ABL2: variants seen among roughly 807,000 people sequenced by gnomAD.
The protein encoded by ABL2 is tyrosine-protein kinase ABL2.
ABL2 carries 49 observed loss-of-function variants against 107.7 expected under a neutral mutation model. The ratio of observed to expected loss-of-function variants is 0.45; its 90% CI spans 0.36 to 0.58. ABL2 has a LOEUF of 0.58. ABL2 is among the 20% of genes least tolerant of loss of function. ABL2 has a pLI of 0.00. For missense variants in ABL2, 1,245 were observed against 1,457.0 expected (o/e 0.85, Z 2.37); for synonymous variants, 549 against 548.6 (o/e 1.00, Z -0.01).
At chr1:179,229,186 CGACCCCACCCCCGGCCT>C in intron 1 of ABL2, 38 bp downstream of exon 1, 10 of 667,780 alleles carry the variant, frequency 1.5e-5, no homozygotes, top group East Asian at 4.4e-5. Context: ...CACCCCGCCC[CGACCCCACCCCCGGCCT>C]CCCCCACGCT....
chr1:179,188,376 T>C (rs1660796767), intron 1 of ABL2, among the ~76,000 whole-genome samples: 1 of 151,488 alleles, frequency 6.6e-6, no homozygotes, highest in South Asian at 2.1e-4. Flanking sequence ...ACCCTATCTC[T>C]ACTAACAATA....
In ABL2 at chr1:179,104,015, C is replaced by T; in HGVS notation, c.*3703G>A. 1.7e-5 allele frequency: 4 copies of T among 233,536 alleles called. No individual in the cohort carries two copies. The highest frequency in any genetic ancestry group is 2.5e-5 in the Non-Finnish European group (3 of 117,952). The allele number at this position is 233,536 out of a possible 1,614,324, so 14.5% of individuals were successfully genotyped here. A position where few individuals can be genotyped will look rare whatever the true frequency, so the allele number is the denominator to read the frequency against. ...ACCCCAGCCCACTGGGAATTCTGAT[C>T]TGGAGTGGGGCTATTCCGTCAGTTT... On this transcript the variant is annotated 3_prime_UTR_variant, in exon 12 of 12. Transcript: ENST00000502732.
At chr1:179,202,004 G>C (rs1661700226) in intron 1 of ABL2, 2 of 808,332 alleles carry the variant, frequency 2.5e-6, no homozygotes, top group Non-Finnish European at 3.2e-6. Flanking sequence ...AGAGGGAAGG[G>C]AGCCAAGGGA....
intron 1 of ABL2, among the ~76,000 whole-genome samples, chr1:179,198,575 C>A (rs1055467509): frequency 9.9e-5 from 15 of 150,970 alleles, no homozygotes; most frequent in African/African-American, 3.7e-4. Context: ...CACCTGTAAT[C>A]CCAGCTACCC....
intron 1 of ABL2, among the ~76,000 whole-genome samples, chr1:179,185,405 T>A (rs1660625113): frequency 6.6e-6 from 1 of 152,218 alleles, no homozygotes; most frequent in Non-Finnish European, 1.5e-5. Context: ...GTATCTTATG[T>A]GGAATTGACA....
At chr1:179,114,768 G>A (rs1654457213) in intron 9 of ABL2, 110 bp downstream of exon 9, 4 of 1,126,450 alleles carry the variant, frequency 3.6e-6, no homozygotes, top group Non-Finnish European at 1.2e-6. Context: ...TAAATGTCAT[G>A]AGGCTGGATT....
chr1:179,184,292 C>A, intron 1 of ABL2: 1 of 539,092 alleles, frequency 1.9e-6, no homozygotes, highest in South Asian at 2.2e-5. Context: ...AAGTTATCTT[C>A]AACGAATTTC....
chr1:179,156,838 A>C lies in ABL2; in HGVS notation c.158-23464T>G, dbSNP rs1357420787. 3.3e-5 allele frequency among the ~76,000 whole-genome samples: 5 copies of C among 152,046 alleles called. No homozygotes were observed. In the East Asian group the frequency reaches 9.6e-4, roughly 29 times the overall value. ...GGCTGCAGTGAGCTGAGATGGCGCC[A>C]CTGCATTCCCACTTGGGCAACAGAG... is the stretch of plus-strand genomic sequence containing the variant. On this transcript the variant is annotated intron_variant, in intron 1 of 11. Coordinates refer to ENST00000502732, the MANE Select transcript of ABL2 (RefSeq NM_007314.4).
At chr1:179,121,215 C>T (rs1439069399) in intron 5 of ABL2, among the ~76,000 whole-genome samples, 1 of 152,154 alleles carries the variant, frequency 6.6e-6, no homozygotes, top group African/African-American at 2.4e-5. Flanking sequence ...GGAACAAGAA[C>T]AAGGGAGAGA....
intron 1 of ABL2, among the ~76,000 whole-genome samples, chr1:179,155,155 G>A (rs9650996): frequency 0.02 from 3,118 of 152,304 alleles, 119 homozygotes; most frequent in African/African-American, 0.072. Context: ...GCAATAGAGA[G>A]TGGTACAAAA....
intron 1 of ABL2, among the ~76,000 whole-genome samples, chr1:179,219,161 G>A (rs1662740140): frequency 6.6e-6 from 1 of 152,178 alleles, no homozygotes; most frequent in Non-Finnish European, 1.5e-5. Flanking sequence ...TCTCACCTTA[G>A]CCTCCCCAGT....
At chr1:179,115,168 T>C in intron 8 of ABL2, 138 bp from the exon 9 acceptor site, 1 of 676,680 alleles carries the variant, frequency 1.5e-6, no homozygotes, top group East Asian at 3.4e-5. Context: ...TACTCTTTTA[T>C]CAATTCTTAC....
At chr1:179,208,272 C>T (rs1391711589) in intron 1 of ABL2, among the ~76,000 whole-genome samples, 3 of 152,014 alleles carry the variant, frequency 2.0e-5, no homozygotes, top group Non-Finnish European at 4.4e-5. Flanking sequence ...AAGCACGGTG[C>T]CCAACAGGTT....
chr1:179,139,377 C>T (rs940226735), intron 1 of ABL2, among the ~76,000 whole-genome samples: 1 of 152,046 alleles, frequency 6.6e-6, no homozygotes, highest in Admixed American at 6.5e-5. Context: ...CACGAACTCA[C>T]CAGAAGGAAG....
In ABL2 at chr1:179,118,602, T is replaced by G; in HGVS notation, c.1208A>C (p.Lys403Thr). 8 of 1,613,686 alleles carry G rather than the reference T, an allele frequency of 5.0e-6. No homozygotes were observed. The highest frequency in any genetic ancestry group is 5.9e-6 in the Non-Finnish European group (7 of 1,179,772). ...TTTTACACACCTATGGATGAAATTC[T>G]TCTTCTCTAAGTACTCCATTGCAGA... is the stretch of plus-strand genomic sequence containing the variant. ...ISSAMEYLEK[K>T]NFIHRDLAAR... The change falls in exon 7 of 12, where the codon AAG becomes ACG. Residue 403 changes from lysine to threonine, a missense_variant. Transcript: ENST00000502732.
intron 1 of ABL2, among the ~76,000 whole-genome samples, chr1:179,146,175 T>A (rs1033645454): frequency 6.6e-6 from 1 of 152,142 alleles, no homozygotes; most frequent in African/African-American, 2.4e-5. Flanking sequence ...AGAACCAAAT[T>A]AGAAGCAGAA....
chr1:179,183,131 G>A (rs866095792), intron 1 of ABL2, among the ~76,000 whole-genome samples: 1 of 152,000 alleles, frequency 6.6e-6, no homozygotes, highest in South Asian at 2.1e-4. Context: ...CTCCTACTCA[G>A]CCTCCCAAAT....
chr1:179,158,817 G>A (rs1658867932), intron 1 of ABL2, among the ~76,000 whole-genome samples: 1 of 152,112 alleles, frequency 6.6e-6, no homozygotes, highest in African/African-American at 2.4e-5. Context: ...TAGAGTGCAA[G>A]GTTAGTTCAA....
At chr1:179,144,853 T>C (rs926838447) in intron 1 of ABL2, among the ~76,000 whole-genome samples, 2 of 152,104 alleles carry the variant, frequency 1.3e-5, no homozygotes, top group Non-Finnish European at 2.9e-5. Context: ...CTCCGGATTA[T>C]AGAAAAAAAG....
Sources: gnomAD v4.1 joint callset for allele counts (sites outside exome capture counted in the v4.1 genomes callset) on GRCh38, gnomAD v4.1.1 for gene constraint, MANE v1.5 for transcripts, NCBI Gene and HGNC (gene_info 2026-07-23, HGNC 2026-07-21) for gene names.